Variants in EXOC1 observed in about 807,000 individuals in gnomAD.
EXOC1 encodes exocyst complex component 1.
In EXOC1, 67 loss-of-function variants were observed where a neutral mutation model predicts 107.7. The ratio of observed to expected loss-of-function variants is 0.62; its 90% CI spans 0.51 to 0.76. The LOEUF (loss-of-function observed/expected upper bound fraction) is 0.76, where lower values mean the gene tolerates loss of function less well. EXOC1 is among the 30% of genes least tolerant of loss of function. The pLI is 0.00. For missense variants in EXOC1, 833 were observed against 1,055.7 expected, an observed-to-expected ratio of 0.79 and a Z score of 2.92; for synonymous variants, 348 against 353.5, an observed-to-expected ratio of 0.98 and a Z score of 0.17.
intron 1 of EXOC1, among the ~76,000 whole-genome samples, chr4:55,855,781 G>A (rs1287248005): frequency 1.3e-5 from 2 of 152,168 alleles, no homozygotes; most frequent in Non-Finnish European, 2.9e-5. Flanking sequence ...AGATAGAAAA[G>A]TAAACTGGCC....
intron 10 of EXOC1, among the ~76,000 whole-genome samples, chr4:55,887,289 A>G (rs547362157): frequency 6.6e-6 from 1 of 152,184 alleles, no homozygotes; most frequent in Non-Finnish European, 1.5e-5. Context: ...CCGCTAAACT[A>G]GGAAACCTTG....
At chr4:55,888,860 T>C in intron 10 of EXOC1, 28 bp from the exon 11 acceptor site, 2 of 1,613,172 alleles carry the variant, frequency 1.2e-6, no homozygotes, top group Non-Finnish European at 1.7e-6. Flanking sequence ...GTCTTTGTCT[T>C]TGATGCTTGC....
chr4:55,882,261 C>T (rs1228307929), intron 9 of EXOC1, among the ~76,000 whole-genome samples: 2 of 152,144 alleles, frequency 1.3e-5, no homozygotes, highest in African/African-American at 4.8e-5. Context: ...CTGCCTCAGC[C>T]TCCTGAGTAG....
intron 5 of EXOC1, among the ~76,000 whole-genome samples, chr4:55,869,235 A>G (rs1722220433): frequency 6.6e-6 from 1 of 152,062 alleles, no homozygotes; most frequent in African/African-American, 2.4e-5. Flanking sequence ...ACATGGTGGC[A>G]TGCTCCTGTG....
intron 8 of EXOC1, chr4:55,876,735 A>G (rs1040869579): frequency 1.9e-5 from 19 of 985,266 alleles, no homozygotes; most frequent in African/African-American, 5.2e-5. Flanking sequence ...ACCTAAGTAG[A>G]TATCAGTAAG....
intron 8 of EXOC1, chr4:55,876,179 T>G: frequency 4.1e-6 from 4 of 985,424 alleles, no homozygotes; most frequent in Non-Finnish European, 4.8e-6. Flanking sequence ...AGAAAAGATA[T>G]GGTAGCCCAG....
Position 55,893,683 on chromosome 4 carries a change from A to G in EXOC1, c.1856A>G (p.His619Arg), listed in dbSNP as rs761963187. The change falls in exon 15 of 19, where the codon CAT becomes CGT. Residue 619 changes from histidine (H) to arginine (R), a missense_variant. His to Arg is a conservative substitution (Grantham distance 29). This residue lies in a region of EXOC1 where 216 missense variants were observed against 354.4 expected (regional missense o/e 0.61). Transcript: ENST00000381295. ...SLYMLVKMSH[H>R]VWTAQNVDPA... The stretch of plus-strand genomic sequence containing the variant: ...TATATGTTAGTCAAAATGAGTCATC[A>G]TGTGTGGACTGCACAAAATGTGGAC... The G allele has an allele frequency of 1.5e-5, 24 of 1,614,042 alleles. No homozygotes were observed. The East Asian group carries it at 4.9e-4, about 33-fold the overall frequency.
chr4:55,893,336 T>C (rs976766060), intron 14 of EXOC1, among the ~76,000 whole-genome samples: 6 of 152,140 alleles, frequency 3.9e-5, no homozygotes, highest in African/African-American at 1.4e-4. Context: ...GCCAAGCTGG[T>C]CTTGAACTCC....
chr4:55,902,171 A>G (rs1726027837), intron 17 of EXOC1, 173 bp from the exon 18 acceptor site: 1 of 429,536 alleles, frequency 2.3e-6, no homozygotes, highest in Non-Finnish European at 4.0e-6. Context: ...ACTCTACAAT[A>G]TTAACAATGT....
chr4:55,893,185 A>G (rs1225715927), intron 14 of EXOC1, among the ~76,000 whole-genome samples: 1 of 152,088 alleles, frequency 6.6e-6, no homozygotes, highest in African/African-American at 2.4e-5. Context: ...GCGCCATCTC[A>G]GCTCACTGCA....
At chr4:55,857,022 A>G (rs1211582816) in intron 1 of EXOC1, among the ~76,000 whole-genome samples, 1 of 152,022 alleles carries the variant, frequency 6.6e-6, no homozygotes, top group African/African-American at 2.4e-5. Context: ...ATATTTCTGT[A>G]TCTATGGATT....
At chr4:55,898,559 A>G (rs1239606716) in intron 16 of EXOC1, among the ~76,000 whole-genome samples, 1 of 152,220 alleles carries the variant, frequency 6.6e-6, no homozygotes, top group Non-Finnish European at 1.5e-5. Context: ...AGAATTTTCA[A>G]ATCAAGAAGA....
chr4:55,860,569 T>C (rs747997672), intron 3 of EXOC1, 28 bp downstream of exon 3: 5 of 1,611,330 alleles, frequency 3.1e-6, no homozygotes, highest in East Asian at 2.2e-5. Context: ...CTTTGACCTG[T>C]GTTCAGAAAG....
At chr4:55,902,652 G>T in intron 18 of EXOC1, 114 bp downstream of exon 18, 1 of 711,064 alleles carries the variant, frequency 1.4e-6, no homozygotes, top group Non-Finnish European at 2.0e-6. Context: ...TTCCATTAGA[G>T]TACAGACCAG....
At chr4:55,893,400 G>A (rs932730229) in intron 14 of EXOC1, 152 bp from the exon 15 acceptor site, 12 of 719,488 alleles carry the variant, frequency 1.7e-5, no homozygotes, top group African/African-American at 1.6e-4. Context: ...GATTACAGGC[G>A]TGAGCCACCA....
In EXOC1 at chr4:55,858,348, C is replaced by T; in HGVS notation, c.25C>T (p.Gln9Ter). 6 of 1,608,744 alleles carry T rather than the reference C, an allele frequency of 3.7e-6. No individual in the cohort carries two copies. The highest frequency in any genetic ancestry group is 5.1e-6 in the Non-Finnish European group (6 of 1,177,720). Reference protein sequence around the residue: MTAIKHALQRDIFTPNDER... With the variant: MTAIKHAL The stretch of plus-strand genomic sequence containing the variant: ...GATGACAGCAATCAAGCATGCATTA[C>T]AAAGAGACATTTTTACACCAAATGA... The change falls in exon 2 of 19, where the codon CAA (glutamine) becomes TAA (stop). Residue 9 changes from glutamine (Q) to a stop codon, truncating the protein, a stop_gained. Coordinates refer to ENST00000381295, the MANE Select transcript of EXOC1 (RefSeq NM_001024924.2). LOFTEE classifies it high-confidence loss of function.
chr4:55,870,648 GTTTGTTTGTTTTGGTCT>G lies in EXOC1; in HGVS notation c.604-27_604-11del. 1.3e-6 allele frequency: 2 copies of G among 1,553,648 alleles called. No individual in the cohort carries two copies. Among genetic ancestry groups the G allele is most frequent in the Non-Finnish European group, 1.8e-6 (2 of 1,127,514 alleles). On this transcript the variant is annotated splice_polypyrimidine_tract_variant and intron_variant, in intron 5 of 18. Transcript: ENST00000381295. Reference sequence around the variant, plus strand: ...ATGTTTTTTGTTTGTTTGTTTGTTTGTTTGTTTGTTTTGGTCTTTAACTTTGTAGGCTAACATCCAGT... The same window carrying G: ...ATGTTTTTTGTTTGTTTGTTTGTTTGTTAACTTTGTAGGCTAACATCCAGT...
intron 8 of EXOC1, 155 bp from the exon 9 acceptor site, chr4:55,877,762 G>A: frequency 4.1e-6 from 4 of 983,384 alleles, no homozygotes; most frequent in Non-Finnish European, 3.6e-6. Flanking sequence ...AGTTGTGTAA[G>A]TATTTGGTTT....
chr4:55,895,247 C>T (rs781016826), intron 15 of EXOC1, among the ~76,000 whole-genome samples: 5 of 152,134 alleles, frequency 3.3e-5, no homozygotes, highest in Non-Finnish European at 7.4e-5. Flanking sequence ...GTACCAGGCA[C>T]AAGTCTGGGC....
Sources: gnomAD v4.1 joint callset for allele counts (sites outside exome capture counted in the v4.1 genomes callset) on GRCh38, gnomAD v4.1.1 for gene constraint, gnomAD v4.1.1 regional missense constraint, MANE v1.5 for transcripts, NCBI Gene and HGNC (gene_info 2026-07-23, HGNC 2026-07-21) for gene names.